ST8SIA4: variants seen among roughly 807,000 people sequenced by gnomAD.
The protein encoded by ST8SIA4 is ST8 alpha-N-acetyl-neuraminide alpha-2,8-sialyltransferase 4, also known as CMP-N-acetylneuraminate-poly-alpha-2,8-sialyltransferase.
A neutral mutation model predicts 33.9 loss-of-function variants in ST8SIA4; 15 were observed. That is an observed-to-expected ratio of 0.44 (90% CI 0.30 to 0.68). The LOEUF (loss-of-function observed/expected upper bound fraction) is 0.68. ST8SIA4 is among the 30% of genes least tolerant of loss of function. The probability of loss-of-function intolerance (pLI) is 0.10; values close to 1 mark genes in which losing one functional copy is unlikely to be tolerated. For synonymous variants in ST8SIA4, 171 were observed against 151.2 expected (o/e 1.13, Z -0.96); for missense variants, 321 against 428.0 (o/e 0.75, Z 2.21).
chr5:100,883,189 A>G (rs1395106833), intron 3 of ST8SIA4, among the ~76,000 whole-genome samples: 1 of 152,210 alleles, frequency 6.6e-6, no homozygotes, highest in Non-Finnish European at 1.5e-5. Context: ...GCCCAAGACC[A>G]TGGGAACCCA....
intron 4 of ST8SIA4, among the ~76,000 whole-genome samples, chr5:100,822,968 A>G (rs1751060123): frequency 6.6e-6 from 1 of 152,056 alleles, no homozygotes; most frequent in Admixed American, 6.6e-5. Flanking sequence ...CGTCTCTACT[A>G]AAAATACAAA....
intron 3 of ST8SIA4, among the ~76,000 whole-genome samples, chr5:100,867,351 A>G (rs1752088945): frequency 1.3e-5 from 2 of 151,992 alleles, no homozygotes; most frequent in Non-Finnish European, 2.9e-5. Context: ...GAAACTGACT[A>G]CTCCATTGGT....
At chr5:100,871,388 A>G (rs767930416) in intron 3 of ST8SIA4, among the ~76,000 whole-genome samples, 1 of 152,094 alleles carries the variant, frequency 6.6e-6, no homozygotes, top group Admixed American at 6.6e-5. Flanking sequence ...TAAATAATAT[A>G]TCTTTACCAT....
chr5:100,872,875 T>TA (rs550303574), intron 3 of ST8SIA4, among the ~76,000 whole-genome samples: 4,010 of 132,392 alleles, frequency 0.03, 83 homozygotes, highest in African/African-American at 0.044. Context: ...AGATATGGGC[T>TA]AAAAAAAAAA....
intron 2 of ST8SIA4, among the ~76,000 whole-genome samples, chr5:100,894,023 G>C (rs528816106): frequency 6.6e-6 from 1 of 152,042 alleles, no homozygotes; most frequent in Non-Finnish European, 1.5e-5. Flanking sequence ...CTCACATCTT[G>C]TGACTTTTTC....
intron 2 of ST8SIA4, among the ~76,000 whole-genome samples, chr5:100,894,602 T>C (rs1752739966): frequency 1.3e-5 from 2 of 152,176 alleles, no homozygotes; most frequent in African/African-American, 4.8e-5. Context: ...TTCCAGACAT[T>C]CGTTCAAGTA....
rs568377590 is a variant in ST8SIA4 at position 100,888,179 on chromosome 5, G to A, written c.246-1579C>T. Among the ~76,000 whole-genome samples, 12 of 151,186 alleles carry A rather than the reference G, an allele frequency of 7.9e-5. No homozygotes were observed. In the East Asian group the frequency reaches 1.7e-3, roughly 22 times the overall value. Reference sequence around the variant, plus strand: ...GGAACTAACAAGAAGGGAAGAGTCCGGGACCCTAGTAGATTTTAAGGAAAA... The same window carrying A: ...GGAACTAACAAGAAGGGAAGAGTCCAGGACCCTAGTAGATTTTAAGGAAAA... On this transcript the variant is annotated intron_variant, in intron 2 of 4. Coordinates refer to ENST00000231461, the MANE Select transcript of ST8SIA4 (RefSeq NM_005668.6).
At chr5:100,897,864 G>T (rs1257564329) in intron 1 of ST8SIA4, among the ~76,000 whole-genome samples, 1 of 152,122 alleles carries the variant, frequency 6.6e-6, no homozygotes, top group African/African-American at 2.4e-5. Flanking sequence ...AAAACACGGG[G>T]TGTGCTTTAC....
chr5:100,896,320 C>A (rs992547828), intron 1 of ST8SIA4, among the ~76,000 whole-genome samples: 9 of 151,958 alleles, frequency 5.9e-5, no homozygotes, highest in Admixed American at 3.9e-4. Flanking sequence ...ACCTAGAGGA[C>A]CTTAAGGTAA....
chr5:100,827,744 G>C (rs185463323), intron 4 of ST8SIA4, among the ~76,000 whole-genome samples: 9 of 152,296 alleles, frequency 5.9e-5, no homozygotes, highest in African/African-American at 2.2e-4. Flanking sequence ...GAGACAAACT[G>C]CACGTGTGGT....
intron 4 of ST8SIA4, among the ~76,000 whole-genome samples, chr5:100,827,876 T>A (rs1751176532): frequency 6.6e-6 from 1 of 152,212 alleles, no homozygotes; most frequent in Admixed American, 6.5e-5. Context: ...CATTTTAAGA[T>A]CACAGATTTC....
intron 4 of ST8SIA4, among the ~76,000 whole-genome samples, chr5:100,849,732 T>TTGCA (rs1340780230): frequency 6.6e-6 from 1 of 151,826 alleles, no homozygotes; most frequent in Non-Finnish European, 1.5e-5. Context: ...AAGGCGGAGG[T>TTGCA]TGCAGTGAGC....
At chr5:100,901,971 G>A (rs1314016632) in intron 1 of ST8SIA4, among the ~76,000 whole-genome samples, 1 of 152,146 alleles carries the variant, frequency 6.6e-6, no homozygotes, top group African/African-American at 2.4e-5. Flanking sequence ...GATAGAGGAC[G>A]CCTCCAAACC....
chr5:100,857,921 A>C (rs1162510915), intron 3 of ST8SIA4, among the ~76,000 whole-genome samples: 1 of 152,080 alleles, frequency 6.6e-6, no homozygotes, highest in Non-Finnish European at 1.5e-5. Context: ...ATCTTTAATT[A>C]CATCCACTAT....
At chr5:100,867,000 A>G (rs1269445863) in intron 3 of ST8SIA4, among the ~76,000 whole-genome samples, 1 of 152,150 alleles carries the variant, frequency 6.6e-6, no homozygotes. Context: ...AAGAATTAGC[A>G]TGTGATTGTT....
chr5:100,811,719 G>T lies in ST8SIA4; in HGVS notation c.*128C>A. On this transcript the variant is annotated 3_prime_UTR_variant, in exon 5 of 5. Coordinates refer to ENST00000231461, the MANE Select transcript of ST8SIA4 (RefSeq NM_005668.6). Reference sequence around the variant, plus strand: ...CATCAGCTGGTAGTCGATTTCTCATGAACGTCCTTTATTCACCTTTCAGTT... The same window carrying T: ...CATCAGCTGGTAGTCGATTTCTCATTAACGTCCTTTATTCACCTTTCAGTT... 1 of 932,056 alleles carries T rather than the reference G, an allele frequency of 1.1e-6. No homozygotes were observed. The highest frequency in any genetic ancestry group is 1.6e-6 in the Non-Finnish European group (1 of 634,690). 57.7% of individuals were successfully genotyped at this position (932,056 alleles called of 1,614,324 possible). A position where few individuals can be genotyped will look rare whatever the true frequency, so the allele number is the denominator to read the frequency against.
At chr5:100,886,094 C>G (rs1212856739) in intron 3 of ST8SIA4, 26 of 1,266,428 alleles carry the variant, frequency 2.1e-5, no homozygotes, top group Non-Finnish European at 2.5e-5. Context: ...TTGCCTCCCC[C>G]CTCACCTCAC....
chr5:100,810,045 G>A lies in ST8SIA4; in HGVS notation c.*1802C>T, dbSNP rs1318292840. 6.6e-6 allele frequency: 1 copy of A among 151,896 alleles called. No homozygotes were observed. Among genetic ancestry groups the A allele is most frequent in the Non-Finnish European group, 1.5e-5 (1 of 67,998 alleles). The allele number at this position is 151,896 out of a possible 1,614,324, so 9.4% of individuals were successfully genotyped here. A position where few individuals can be genotyped will look rare whatever the true frequency, so the allele number is the denominator to read the frequency against. On this transcript the variant is annotated 3_prime_UTR_variant, in exon 5 of 5. Transcript: ENST00000231461. ...GAAACAAAACATATATATTCCCCATGCCATTTCTTCTTTCCTCAAATTGCC... is the reference window on the plus strand; with the variant it reads ...GAAACAAAACATATATATTCCCCATACCATTTCTTCTTTCCTCAAATTGCC...
chr5:100,870,350 G>A (rs1487183338), intron 3 of ST8SIA4, among the ~76,000 whole-genome samples: 4 of 152,106 alleles, frequency 2.6e-5, no homozygotes, highest in Non-Finnish European at 5.9e-5. Flanking sequence ...CATTGCTTCA[G>A]ATTCCTCTTC....
Sources: allele counts gnomAD v4.1 joint callset (sites outside exome capture counted in the v4.1 genomes callset), GRCh38; gene constraint gnomAD v4.1.1; transcripts MANE v1.5; gene names NCBI Gene and HGNC (gene_info 2026-07-23, HGNC 2026-07-21).